Variants in HIVEP3 observed in about 807,000 individuals in gnomAD.
HIVEP3 encodes the protein transcription factor HIVEP3.
HIVEP3 carries 49 observed loss-of-function variants against 152.8 expected under a neutral mutation model. The observed-to-expected ratio is 0.32, with a 90% CI of 0.26 to 0.41. The LOEUF is 0.41. Ranked by LOEUF, HIVEP3 falls within the 10% of genes least tolerant of loss-of-function variation. The pLI is 1.00. For missense variants in HIVEP3, 2,790 were observed against 3,103.3 expected (o/e 0.90, Z 2.40); for synonymous variants, 1,269 against 1,289.0 (o/e 0.98, Z 0.33).
rs555215662 is a variant in HIVEP3, at chr1:42,016,792, G to A, written n.119+19015C>T. 3.3e-5 allele frequency among the ~76,000 whole-genome samples: 5 copies of A among 152,154 alleles called. No individual in the cohort carries two copies. In the East Asian group the frequency reaches 7.7e-4, roughly 23 times the overall value. On this transcript the variant is annotated intron_variant and non_coding_transcript_variant, in intron 1 of 3. Transcript: ENST00000489103. ...CATAGTATACTTTATTAAACAGGGT[G>A]TACCTTATATAACCAGTACTCTATT...
chr1:41,745,889 T>C (rs546343394), intron 1 of HIVEP3, among the ~76,000 whole-genome samples: 1 of 152,214 alleles, frequency 6.6e-6, no homozygotes, highest in Non-Finnish European at 1.5e-5. Context: ...GGCCTGTCAG[T>C]GAATCCTAGC....
intron 1 of HIVEP3, among the ~76,000 whole-genome samples, chr1:41,968,776 T>A (rs759092431): frequency 2.0e-5 from 3 of 152,170 alleles, no homozygotes; most frequent in African/African-American, 4.8e-5. Context: ...ACTGGCTCTG[T>A]TTGCAAATGA....
upstream of HIVEP3, among the ~76,000 whole-genome samples, chr1:41,920,583 T>TG: frequency 7.8e-6 from 1 of 127,422 alleles, no homozygotes; most frequent in Non-Finnish European, 1.8e-5. Context: ...GATGGTTTTT[T>TG]TTTTTTTGTT....
At chr1:41,811,376 G>A (rs961623763) in intron 1 of HIVEP3, among the ~76,000 whole-genome samples, 5 of 151,326 alleles carry the variant, frequency 3.3e-5, no homozygotes, top group African/African-American at 9.7e-5. Context: ...GTATTTCCTA[G>A]AGGAAAACAG....
At chr1:41,925,575 A>G (rs967226117) in intron 1 of HIVEP3, among the ~76,000 whole-genome samples, 5 of 152,214 alleles carry the variant, frequency 3.3e-5, no homozygotes, top group African/African-American at 1.2e-4. Flanking sequence ...TGGCAGAGGC[A>G]TAAGAAAATC....
intron 3 of HIVEP3, among the ~76,000 whole-genome samples, chr1:41,600,701 C>A (rs558027829): frequency 5.3e-5 from 8 of 152,256 alleles, no homozygotes; most frequent in African/African-American, 1.9e-4. Context: ...TATTTTACCA[C>A]AATTTTTAAA....
intron 5 of HIVEP3, among the ~76,000 whole-genome samples, chr1:41,545,425 TCACCAC>T (rs1198470480): frequency 3.7e-5 from 2 of 54,358 alleles, no homozygotes; most frequent in Non-Finnish European, 7.4e-5. Context: ...ATCGCTACAA[TCACCAC>T]CACCACCACC....
chr1:41,806,484 CA>C (rs1442948372), intron 1 of HIVEP3, among the ~76,000 whole-genome samples: 1 of 152,254 alleles, frequency 6.6e-6, no homozygotes, highest in Non-Finnish European at 1.5e-5. Flanking sequence ...CTTGGGAAGA[CA>C]ACTTCACCTC....
At chr1:41,745,711 C>G (rs995959923) in intron 1 of HIVEP3, among the ~76,000 whole-genome samples, 14 of 152,174 alleles carry the variant, frequency 9.2e-5, no homozygotes, top group African/African-American at 3.1e-4. Context: ...CAGTGAAGGG[C>G]AGGATGACGT....
intron 1 of HIVEP3, among the ~76,000 whole-genome samples, chr1:41,846,465 G>A (rs1557441137): frequency 6.6e-6 from 1 of 152,232 alleles, no homozygotes; most frequent in Non-Finnish European, 1.5e-5. Context: ...GGTCACCAGA[G>A]GTGCCAATGC....
At chr1:42,023,086 A>C (rs974142796) in intron 1 of HIVEP3, among the ~76,000 whole-genome samples, 2 of 152,172 alleles carry the variant, frequency 1.3e-5, no homozygotes, top group Non-Finnish European at 2.9e-5. Context: ...GCTGGAGTGC[A>C]ACCTCCACCT....
intron 1 of HIVEP3, among the ~76,000 whole-genome samples, chr1:41,824,639 T>C (rs1290461804): frequency 2.0e-5 from 3 of 151,474 alleles, no homozygotes; most frequent in African/African-American, 7.3e-5. Flanking sequence ...CTGTTTTTCG[T>C]GACAAGGTAG....
intron 1 of HIVEP3, among the ~76,000 whole-genome samples, chr1:41,958,590 C>T (rs1268324433): frequency 1.3e-5 from 2 of 152,234 alleles, no homozygotes; most frequent in South Asian, 2.1e-4. Context: ...GGCCCACCCC[C>T]ACTATGTCAC....
At chr1:41,986,483 C>T (rs1011437284) in intron 1 of HIVEP3, among the ~76,000 whole-genome samples, 23 of 148,494 alleles carry the variant, frequency 1.5e-4, no homozygotes, top group African/African-American at 5.5e-4. Context: ...CTCTTTCGCC[C>T]AGGCCAGACT....
At chr1:41,633,307 A>G (rs980782762) in intron 2 of HIVEP3, among the ~76,000 whole-genome samples, 3 of 152,216 alleles carry the variant, frequency 2.0e-5, no homozygotes, top group Non-Finnish European at 4.4e-5. Flanking sequence ...AGAGGGAGTG[A>G]CAGGAAATCT....
intron 1 of HIVEP3, among the ~76,000 whole-genome samples, chr1:41,780,353 G>A (rs1015197030): frequency 2.0e-5 from 3 of 152,208 alleles, no homozygotes; most frequent in Non-Finnish European, 2.9e-5. Flanking sequence ...GAAAGCCAGT[G>A]CCAAGGGGTA....
chr1:41,538,181 G>C (rs1350010545), intron 5 of HIVEP3, among the ~76,000 whole-genome samples: 1 of 152,152 alleles, frequency 6.6e-6, no homozygotes, highest in Non-Finnish European at 1.5e-5. Flanking sequence ...GGGTGCACAG[G>C]GTCAGACCTG....
At chr1:41,672,326 A>T (rs991629824) in intron 2 of HIVEP3, among the ~76,000 whole-genome samples, 1 of 151,548 alleles carries the variant, frequency 6.6e-6, no homozygotes, top group African/African-American at 2.4e-5. Context: ...ATCACCTCCC[A>T]CCCTTCTGAC....
intron 5 of HIVEP3, chr1:41,543,696 T>G (rs1471760571): frequency 6.6e-6 from 1 of 152,372 alleles, no homozygotes; most frequent in Non-Finnish European, 1.5e-5. Flanking sequence ...TCTTGAGAGC[T>G]GCACAGTGAA....
Sources: gnomAD v4.1 joint callset for allele counts (sites outside exome capture counted in the v4.1 genomes callset) on GRCh38, gnomAD v4.1.1 for gene constraint, MANE v1.5 for transcripts, NCBI Gene and HGNC (gene_info 2026-07-23, HGNC 2026-07-21) for gene names.